PRKAG2: variants seen among roughly 807,000 people sequenced by gnomAD.
The protein encoded by PRKAG2 is 5'-AMP-activated protein kinase subunit gamma-2.
PRKAG2 carries 26 observed loss-of-function variants against 69.6 expected under a neutral mutation model. The observed-to-expected ratio is 0.37, with a 90% confidence interval of 0.27 to 0.52. The LOEUF (loss-of-function observed/expected upper bound fraction) is 0.52. Ranked by LOEUF, PRKAG2 falls within the 20% of genes least tolerant of loss-of-function variation. The pLI, the probability that PRKAG2 is intolerant of heterozygous loss-of-function variation, is 0.90. For missense variants in PRKAG2, 557 were observed against 740.0 expected, an observed-to-expected ratio of 0.75 and a Z score of 2.87; for synonymous variants, 293 against 285.0, an observed-to-expected ratio of 1.03 and a Z score of -0.28.
At chr7:151,592,222 GGCTGGCCCCT>G (rs1225655908) in intron 6 of PRKAG2, among the ~76,000 whole-genome samples, 4 of 152,198 alleles carry the variant, frequency 2.6e-5, no homozygotes, top group Admixed American at 6.5e-5. Flanking sequence ...TCTCCTGCTG[GGCTGGCCCCT>G]GCTGGCACTG....
chr7:151,731,799 C>T (rs1276337742), intron 3 of PRKAG2, among the ~76,000 whole-genome samples: 1 of 152,148 alleles, frequency 6.6e-6, no homozygotes, highest in African/African-American at 2.4e-5. Context: ...TTTCATGACC[C>T]TCACAGAAGC....
At position 151,644,797 on chromosome 7, in the gene PRKAG2, A is replaced by C. The variant is rs529310476; in HGVS notation, c.685-12659T>G. 1.1e-4 allele frequency among the ~76,000 whole-genome samples: 16 copies of C among 152,284 alleles called. No homozygotes were observed. In the South Asian group the frequency reaches 3.3e-3, roughly 32 times the overall value. On this transcript the variant is annotated intron_variant, in intron 4 of 15. Transcript: ENST00000287878. ...CTGTACCATTTTACATTTCTGCCCA[A>C]AGTGGTTGAGAGTTCCAGTTGCTTC...
intron 6 of PRKAG2, among the ~76,000 whole-genome samples, chr7:151,590,296 T>C (rs1337801078): frequency 3.3e-5 from 5 of 152,252 alleles, no homozygotes; most frequent in African/African-American, 1.2e-4. Context: ...CAAGCCTCTA[T>C]GGCAGTCCCC....
At chr7:151,870,177 G>A (rs1281540391) in intron 1 of PRKAG2, among the ~76,000 whole-genome samples, 7 of 151,672 alleles carry the variant, frequency 4.6e-5, no homozygotes, top group African/African-American at 9.7e-5. Context: ...AGGCAGGCAG[G>A]CAGGCAGGCA....
intron 3 of PRKAG2, among the ~76,000 whole-genome samples, chr7:151,753,967 T>A (rs2074888214): frequency 6.6e-6 from 1 of 152,112 alleles, no homozygotes; most frequent in East Asian, 1.9e-4. Context: ...TGCAGTGAAC[T>A]GTGATCGCAC....
At chr7:151,760,454 G>A (rs572954889) in intron 3 of PRKAG2, among the ~76,000 whole-genome samples, 19 of 152,210 alleles carry the variant, frequency 1.2e-4, no homozygotes, top group African/African-American at 3.4e-4. Flanking sequence ...GGCTGGTCTC[G>A]AACTCATTAT....
intron 1 of PRKAG2, among the ~76,000 whole-genome samples, chr7:151,804,463 G>A (rs1304438010): frequency 1.3e-5 from 2 of 152,112 alleles, no homozygotes; most frequent in South Asian, 2.1e-4. Context: ...CAGCATGGGG[G>A]AAACCACCCC....
At chr7:151,698,529 G>A (rs1056931373) in intron 3 of PRKAG2, among the ~76,000 whole-genome samples, 3 of 151,988 alleles carry the variant, frequency 2.0e-5, no homozygotes, top group Non-Finnish European at 4.4e-5. Flanking sequence ...GAGTTCACAC[G>A]AGGCCTGGTT....
At chr7:151,651,199 G>A (rs1426058629) in intron 4 of PRKAG2, among the ~76,000 whole-genome samples, 6 of 152,164 alleles carry the variant, frequency 3.9e-5, no homozygotes, top group Non-Finnish European at 7.3e-5. Context: ...TTTAGTTATT[G>A]TGTAACAAAA....
At chr7:151,662,378 G>A (rs183306951) in intron 4 of PRKAG2, among the ~76,000 whole-genome samples, 159 of 152,282 alleles carry the variant, frequency 1.0e-3, no homozygotes, top group African/African-American at 3.6e-3. Context: ...TAATGACACT[G>A]TCATCCTTCC....
chr7:151,574,782 A>G lies in PRKAG2; in HGVS notation c.1005+109T>C. On this transcript the variant is annotated intron_variant, in intron 8 of 15. Coordinates refer to ENST00000287878, the MANE Select transcript of PRKAG2 (RefSeq NM_016203.4). The stretch of plus-strand genomic sequence containing the variant: ...AATCACCATCAGCACACCATACCAA[A>G]AAAGAAAAAACTGAAAACATTAAAA... 3.3e-6 allele frequency: 5 copies of G among 1,520,148 alleles called. No homozygotes were observed. The South Asian group carries it at 3.7e-5, about 11-fold the overall frequency. 94.2% of individuals were successfully genotyped at this position (1,520,148 alleles called of 1,614,324 possible).
chr7:151,727,385 G>A (rs1798161233), intron 3 of PRKAG2, among the ~76,000 whole-genome samples: 1 of 152,106 alleles, frequency 6.6e-6, no homozygotes, highest in African/African-American at 2.4e-5. Context: ...CCATCGAGGT[G>A]GGGAGGACCC....
intron 15 of PRKAG2, chr7:151,557,598 G>A (rs1406412258): frequency 7.1e-6 from 7 of 983,414 alleles, no homozygotes; most frequent in Admixed American, 6.2e-5. Context: ...GGCCGGGCGC[G>A]GTGGCTCACA....
chr7:151,629,132 C>G (rs1823754833), intron 5 of PRKAG2, among the ~76,000 whole-genome samples: 2 of 152,196 alleles, frequency 1.3e-5, no homozygotes, highest in South Asian at 4.1e-4. Flanking sequence ...ATTGTGTTAG[C>G]TGCTTTCTGC....
At chr7:151,683,960 G>A (rs1310506723) in intron 3 of PRKAG2, among the ~76,000 whole-genome samples, 3 of 152,136 alleles carry the variant, frequency 2.0e-5, no homozygotes, top group African/African-American at 4.8e-5. Flanking sequence ...TTTCTCAGGT[G>A]CCCTCTGGCC....
intron 3 of PRKAG2, among the ~76,000 whole-genome samples, chr7:151,765,180 C>T (rs1325618211): frequency 1.3e-5 from 2 of 152,182 alleles, no homozygotes; most frequent in Non-Finnish European, 2.9e-5. Context: ...TTAATTGACT[C>T]ACAGTTCTGT....
chr7:151,708,178 A>G (rs141384286), intron 3 of PRKAG2, among the ~76,000 whole-genome samples: 2 of 152,286 alleles, frequency 1.3e-5, no homozygotes, highest in East Asian at 3.9e-4. Flanking sequence ...CAAACCTCCA[A>G]TTGCTTCTTA....
chr7:151,608,278 T>G (rs924741757), intron 5 of PRKAG2, among the ~76,000 whole-genome samples: 2 of 152,340 alleles, frequency 1.3e-5, no homozygotes, highest in South Asian at 4.1e-4. Flanking sequence ...TTCTGTTGTC[T>G]AAGCCACCAA....
intron 3 of PRKAG2, among the ~76,000 whole-genome samples, chr7:151,744,837 C>A (rs1563576355): frequency 6.6e-6 from 1 of 152,172 alleles, no homozygotes; most frequent in Non-Finnish European, 1.5e-5. Flanking sequence ...AGGGGGAACC[C>A]TAGTCACCCA....
Sources: allele counts gnomAD v4.1 joint callset (sites outside exome capture counted in the v4.1 genomes callset), GRCh38; gene constraint gnomAD v4.1.1; transcripts MANE v1.5; gene names NCBI Gene and HGNC (gene_info 2026-07-23, HGNC 2026-07-21).